Variants in ARHGEF12 observed in about 807,000 individuals in gnomAD.
ARHGEF12 encodes Rho guanine nucleotide exchange factor 12, also known as KMT2A/ARHGEF12 fusion protein.
In ARHGEF12, 66 loss-of-function variants were observed where a neutral mutation model predicts 211.2. The observed-to-expected ratio is 0.31, with a 90% CI of 0.26 to 0.38. ARHGEF12 has a LOEUF of 0.38. Among genes scored for constraint, ARHGEF12 ranks in the 10% least tolerant of loss-of-function variants. The pLI, the probability that ARHGEF12 is intolerant of heterozygous loss-of-function variation, is 1.00. For synonymous variants in ARHGEF12, 592 were observed against 638.4 expected (o/e 0.93, Z 1.09); for missense variants, 1,429 against 1,869.5 (o/e 0.76, Z 4.34).
chr11:120,378,838 A>G (rs1943802227), intron 1 of ARHGEF12, among the ~76,000 whole-genome samples: 4 of 152,226 alleles, frequency 2.6e-5, no homozygotes. Context: ...AATATGCCTG[A>G]ACATATTGAT....
chr11:120,421,706 C>G (rs1945197965), intron 5 of ARHGEF12, 97 bp from the exon 6 acceptor site: 1 of 1,135,652 alleles, frequency 8.8e-7, no homozygotes, highest in African/African-American at 1.6e-5. Context: ...AAAGGACAGC[C>G]CATGTTTTTA....
At chr11:120,347,151 C>CTTTCTTT (rs1296663235) in intron 1 of ARHGEF12, among the ~76,000 whole-genome samples, 1,856 of 58,450 alleles carry the variant, frequency 0.032, 138 homozygotes, top group African/African-American at 0.099. Flanking sequence ...TTCCTTCCTT[C>CTTTCTTT]CTTCCTTCCT....
intron 1 of ARHGEF12, among the ~76,000 whole-genome samples, chr11:120,345,747 A>AATAT (rs199856801): frequency 6.0e-5 from 9 of 149,320 alleles, no homozygotes; most frequent in African/African-American, 2.0e-4. Flanking sequence ...CATACTCCTA[A>AATAT]ATATATATAT....
At chr11:120,379,648 G>A (rs1221117548) in intron 1 of ARHGEF12, among the ~76,000 whole-genome samples, 1 of 151,708 alleles carries the variant, frequency 6.6e-6, no homozygotes, top group African/African-American at 2.4e-5. Context: ...ATGATCATAT[G>A]GCTTTTCTGT....
chr11:120,410,181 C>G (rs1418799193), intron 4 of ARHGEF12: 1 of 152,098 alleles, frequency 6.6e-6, no homozygotes, highest in East Asian at 1.9e-4. Context: ...GTCCTGTCTT[C>G]CAAAGATACA....
At chr11:120,409,183 A>G in intron 3 of ARHGEF12, 2 of 529,108 alleles carry the variant, frequency 3.8e-6, no homozygotes, top group Non-Finnish European at 6.7e-6. Flanking sequence ...ACATATTTTT[A>G]TTGCACTGTC....
Position 120,337,139 on chromosome 11 carries a change from G to A in ARHGEF12, c.-105G>A, listed in dbSNP as rs1942373774. 1.4e-6 allele frequency: 2 copies of A among 1,382,646 alleles called. No individual in the cohort carries two copies. Among genetic ancestry groups the A allele is most frequent in the Admixed American group, 1.7e-5 (1 of 58,750 alleles). The allele number at this position is 1,382,646 out of a possible 1,614,324, so 85.6% of individuals were successfully genotyped here. A position where few individuals can be genotyped will look rare whatever the true frequency, so the allele number is the denominator to read the frequency against. On this transcript the variant is annotated 5_prime_UTR_variant, in exon 1 of 41. Coordinates refer to ENST00000397843, the MANE Select transcript of ARHGEF12 (RefSeq NM_015313.3). ...ATGGAGTTTTGAGTTGGACTTTTGTGTCCCTGACGGAGTTGGGCCTGATCC... is the reference window on the plus strand; with the variant it reads ...ATGGAGTTTTGAGTTGGACTTTTGTATCCCTGACGGAGTTGGGCCTGATCC...
chr11:120,480,293 C>A lies in ARHGEF12; in HGVS notation c.4100C>A (p.Thr1367Asn). The A allele has an allele frequency of 6.2e-7, 1 of 1,614,126 alleles. No individual in the cohort carries two copies. The highest frequency in any genetic ancestry group is 8.5e-7 in the Non-Finnish European group (1 of 1,180,032). ...DHMIMTPEMP[T>N]MEPEGGLDDS... is the part of the protein sequence containing the mutation. ...ATGATTATGACCCCAGAGATGCCTA[C>A]CATGGAGCCAGAAGGGGGTCTTGAT... is the stretch of plus-strand genomic sequence containing the variant. The change falls in exon 38 of 41, where the codon ACC becomes AAC. Residue 1367 changes from threonine (T) to asparagine (N), a missense_variant. Physicochemically the swap from Thr to Asn is moderately conservative, Grantham distance 65 (BLOSUM62 0). Coordinates refer to ENST00000397843, the MANE Select transcript of ARHGEF12 (RefSeq NM_015313.3).
At position 120,420,737 on chromosome 11, in the gene ARHGEF12, T is replaced by G; in HGVS notation, c.200-16T>G. 6.2e-7 allele frequency: 1 copy of G among 1,605,270 alleles called. No homozygotes were observed. Among genetic ancestry groups the G allele is most frequent in the Non-Finnish European group, 8.5e-7 (1 of 1,172,158 alleles). ...TTTTCTCTTCCTTCTTGTTTTACAC[T>G]GTGGTTCTTGTGCAGGTCTTGTTCA... On this transcript the variant is annotated splice_polypyrimidine_tract_variant and intron_variant, in intron 4 of 40. Coordinates refer to ENST00000397843, the MANE Select transcript of ARHGEF12 (RefSeq NM_015313.3).
Position 120,337,036 on chromosome 11 carries a change from G to C in ARHGEF12, c.-208G>C. 3 of 615,760 alleles carry C rather than the reference G, an allele frequency of 4.9e-6. No homozygotes were observed. The East Asian group carries it at 8.4e-5, about 17-fold the overall frequency. The allele number at this position is 615,760 out of a possible 1,614,324, so 38.1% of individuals were successfully genotyped here. A position where few individuals can be genotyped will look rare whatever the true frequency, so the allele number is the denominator to read the frequency against. ...ACTGACTCGCTCCCTGGCTTTCTCA[G>C]TTCGTTTTGGGAGATAACTTGTTTT... On this transcript the variant is annotated 5_prime_UTR_variant, in exon 1 of 41. Coordinates refer to ENST00000397843, the MANE Select transcript of ARHGEF12 (RefSeq NM_015313.3).
At chr11:120,350,685 G>A (rs1942908410) in intron 1 of ARHGEF12, among the ~76,000 whole-genome samples, 1 of 151,930 alleles carries the variant, frequency 6.6e-6, no homozygotes, top group Non-Finnish European at 1.5e-5. Flanking sequence ...TTATATTTCA[G>A]TGAACTATTT....
At chr11:120,421,184 C>G (rs1403427423) in intron 5 of ARHGEF12, among the ~76,000 whole-genome samples, 1 of 152,196 alleles carries the variant, frequency 6.6e-6, no homozygotes, top group Non-Finnish European at 1.5e-5. Flanking sequence ...AAAGAGATAG[C>G]TATGGCTTCA....
chr11:120,369,125 CTTTT>C (rs1183494101), intron 1 of ARHGEF12, among the ~76,000 whole-genome samples: 1 of 127,312 alleles, frequency 7.9e-6, no homozygotes, highest in Non-Finnish European at 1.7e-5. Flanking sequence ...TTCTTTTCTT[CTTTT>C]TTTTTTTTTT....
intron 27 of ARHGEF12, chr11:120,464,555 C>G (rs1946642137): frequency 6.6e-6 from 1 of 151,380 alleles, no homozygotes; most frequent in African/African-American, 2.4e-5. Context: ...ATACTCCAGC[C>G]TGGGCCACAG....
chr11:120,342,270 T>C (rs1942559773), intron 1 of ARHGEF12, among the ~76,000 whole-genome samples: 1 of 152,200 alleles, frequency 6.6e-6, no homozygotes. Flanking sequence ...ATTTTAAATA[T>C]CTCTTGAGGA....
At chr11:120,417,960 C>T (rs1945079924) in intron 4 of ARHGEF12, among the ~76,000 whole-genome samples, 1 of 152,164 alleles carries the variant, frequency 6.6e-6, no homozygotes, top group South Asian at 2.1e-4. Context: ...CACCTGACCT[C>T]ATTACAATTT....
intron 3 of ARHGEF12, 200 bp from the exon 4 acceptor site, chr11:120,409,194 T>C (rs1029608427): frequency 2.7e-5 from 15 of 549,030 alleles, no homozygotes; most frequent in Non-Finnish European, 4.2e-5. Flanking sequence ...TTGCACTGTC[T>C]TTTCTTCGAT....
At chr11:120,337,612 A>G (rs1424762156) in intron 1 of ARHGEF12, 2 of 985,276 alleles carry the variant, frequency 2.0e-6, no homozygotes, top group African/African-American at 3.5e-5. Flanking sequence ...CGGTGCCTGA[A>G]GTCGGCTCGG....
chr11:120,469,736 G>C (rs1946811894), intron 30 of ARHGEF12, among the ~76,000 whole-genome samples: 1 of 152,150 alleles, frequency 6.6e-6, no homozygotes, highest in Non-Finnish European at 1.5e-5. Flanking sequence ...AGGATAGAAA[G>C]GCATTTAACA....
Sources: gnomAD v4.1 joint callset for allele counts (sites outside exome capture counted in the v4.1 genomes callset) on GRCh38, gnomAD v4.1.1 for gene constraint, MANE v1.5 for transcripts, NCBI Gene and HGNC (gene_info 2026-07-23, HGNC 2026-07-21) for gene names.